The following SLAIN2 variants were observed in gnomAD, a reference collection of about 807,000 sequenced individuals.
SLAIN2 encodes the protein SLAIN family member 2.
In SLAIN2, 31 loss-of-function variants were observed where a neutral mutation model predicts 56.6. The ratio of observed to expected loss-of-function variants is 0.55; its 90% CI spans 0.41 to 0.74. The LOEUF is 0.74. SLAIN2 is among the 30% of genes least tolerant of loss of function. SLAIN2 has a pLI of 0.00. For missense variants in SLAIN2, 777 were observed against 754.2 expected (o/e 1.03, Z -0.35); for synonymous variants, 317 against 284.9 (o/e 1.11, Z -1.13).
intron 1 of SLAIN2, among the ~76,000 whole-genome samples, chr4:48,363,667 G>A: frequency 9.3e-6 from 1 of 107,988 alleles, no homozygotes; most frequent in Non-Finnish European, 2.0e-5. Context: ...CGGGCAGAGG[G>A]GCTCCTCACT....
chr4:48,398,303 G>T (rs1412661156), intron 6 of SLAIN2, among the ~76,000 whole-genome samples: 1 of 152,112 alleles, frequency 6.6e-6, no homozygotes, highest in Non-Finnish European at 1.5e-5. Context: ...ATTTTGAGAA[G>T]TGTCTGTTTA....
At chr4:48,370,038 T>G in intron 2 of SLAIN2, 41 bp downstream of exon 2, 1 of 1,591,204 alleles carries the variant, frequency 6.3e-7, no homozygotes, top group Non-Finnish European at 8.6e-7. Context: ...CTCTTTGCTT[T>G]CTTTAGTCAA....
In SLAIN2 at chr4:48,341,716, G is replaced by A; in HGVS notation, c.-24G>A. On this transcript the variant is annotated 5_prime_UTR_variant, in exon 1 of 8. Transcript: ENST00000264313. ...GCTGCGAGAGCGAGCGGGCGGCGGAGGCGGCGGCGGCGGCGGGGCCGGGAT... is the reference window on the plus strand; with the variant it reads ...GCTGCGAGAGCGAGCGGGCGGCGGAAGCGGCGGCGGCGGCGGGGCCGGGAT... 1 of 1,474,036 alleles carries A rather than the reference G, an allele frequency of 6.8e-7. No homozygotes were observed. Among genetic ancestry groups the A allele is most frequent in the South Asian group, 1.3e-5 (1 of 75,062 alleles). The allele number at this position is 1,474,036 out of a possible 1,614,324, so 91.3% of individuals were successfully genotyped here.
chr4:48,421,927 GTAA>G (rs1285867798), intron 7 of SLAIN2, 81 bp from the exon 8 acceptor site: 65 of 1,127,746 alleles, frequency 5.8e-5, no homozygotes, highest in Non-Finnish European at 8.2e-5. Context: ...CACCTGAAGA[GTAA>G]TTAATATATG....
chr4:48,367,314 G>A (rs1024029980), intron 1 of SLAIN2, among the ~76,000 whole-genome samples: 1 of 152,182 alleles, frequency 6.6e-6, no homozygotes, highest in Non-Finnish European at 1.5e-5. Context: ...TGAAATAAGA[G>A]GATAGAGTGA....
chr4:48,369,803 C>T (rs1345884582), intron 1 of SLAIN2, 46 bp from the exon 2 acceptor site: 1 of 1,579,750 alleles, frequency 6.3e-7, no homozygotes, highest in Admixed American at 1.7e-5. Context: ...TTTATATAAC[C>T]TTGTGCTTAA....
intron 1 of SLAIN2, among the ~76,000 whole-genome samples, chr4:48,342,527 C>T (rs1310586936): frequency 6.6e-6 from 1 of 151,960 alleles, no homozygotes; most frequent in Non-Finnish European, 1.5e-5. Flanking sequence ...GGAGAGGGGT[C>T]TGCTTGATGA....
At chr4:48,398,130 TC>T (rs1358608141) in intron 6 of SLAIN2, among the ~76,000 whole-genome samples, 8 of 152,308 alleles carry the variant, frequency 5.3e-5, no homozygotes, top group African/African-American at 1.9e-4. Flanking sequence ...CCACCAGCAG[TC>T]TAAGTGTTCC....
chr4:48,420,501 A>T (rs1423057964), intron 7 of SLAIN2, 58 bp downstream of exon 7: 2 of 1,571,436 alleles, frequency 1.3e-6, no homozygotes, highest in East Asian at 2.3e-5. Context: ...GATAGACTGG[A>T]ATGAATTAGC....
intron 6 of SLAIN2, among the ~76,000 whole-genome samples, chr4:48,418,393 T>C (rs73246023): frequency 0.23 from 35,122 of 152,034 alleles, 4,888 homozygotes; most frequent in Middle Eastern, 0.34. Context: ...TCAGATGCTT[T>C]TTTTGAGTCC....
chr4:48,367,092 T>C (rs1361337755), intron 1 of SLAIN2, among the ~76,000 whole-genome samples: 2 of 152,214 alleles, frequency 1.3e-5, no homozygotes, highest in Non-Finnish European at 2.9e-5. Context: ...TACTTAGGAT[T>C]TCCTTTTAAA....
chr4:48,394,464 T>C lies in SLAIN2; in HGVS notation c.1360+10680T>C, dbSNP rs888711053. The C allele has an allele frequency of 7.6e-6, 6 of 785,370 alleles. No homozygotes were observed. In the Admixed American group the frequency reaches 1.3e-4, roughly 17 times the overall value. 48.7% of individuals were successfully genotyped at this position (785,370 alleles called of 1,614,324 possible). A position where few individuals can be genotyped will look rare whatever the true frequency, so the allele number is the denominator to read the frequency against. ...TTCTAACATATTTGCACCTTATGGC[T>C]TCTGTTCTTTGATACATTTTTAAGT... On this transcript the variant is annotated intron_variant, in intron 6 of 7. Coordinates refer to ENST00000264313, the MANE Select transcript of SLAIN2 (RefSeq NM_020846.2).
At chr4:48,416,712 C>G (rs1301601612) in intron 6 of SLAIN2, among the ~76,000 whole-genome samples, 2 of 150,620 alleles carry the variant, frequency 1.3e-5, no homozygotes, top group African/African-American at 2.4e-5. Flanking sequence ...CTCAAAGCCG[C>G]TCAACTACAT....
chr4:48,365,444 C>CAA (rs34317951), intron 1 of SLAIN2, among the ~76,000 whole-genome samples: 1,276 of 56,690 alleles, frequency 0.023, 60 homozygotes, highest in African/African-American at 0.066. Flanking sequence ...GACTCCATCT[C>CAA]AAAAAAAAAA....
At chr4:48,374,006 C>T (rs562054759) in intron 2 of SLAIN2, among the ~76,000 whole-genome samples, 4 of 152,092 alleles carry the variant, frequency 2.6e-5, no homozygotes, top group Non-Finnish European at 5.9e-5. Context: ...CCATTGCTCT[C>T]CAGCCTGGGC....
At chr4:48,419,971 T>G (rs994341369) in intron 6 of SLAIN2, among the ~76,000 whole-genome samples, 154 bp from the exon 7 acceptor site, 1 of 152,216 alleles carries the variant, frequency 6.6e-6, no homozygotes, top group Non-Finnish European at 1.5e-5. Flanking sequence ...TTTTTTTCTT[T>G]TAGTAGCCCA....
At chr4:48,362,732 C>CTTTTTTTTTTTTTTTTTTTTTTT (rs397716685) in intron 1 of SLAIN2, among the ~76,000 whole-genome samples, 1 of 116,390 alleles carries the variant, frequency 8.6e-6, no homozygotes, top group Non-Finnish European at 1.7e-5. Flanking sequence ...TTTTAAATTT[C>CTTTTTTTTTTTTTTTTTTTTTTT]TTTTTTTTTT....
At chr4:48,357,581 C>T (rs780644790) in intron 1 of SLAIN2, among the ~76,000 whole-genome samples, 11 of 151,170 alleles carry the variant, frequency 7.3e-5, no homozygotes, top group African/African-American at 2.2e-4. Flanking sequence ...TGGAGTTTTG[C>T]GCTTGTTGCC....
intron 2 of SLAIN2, among the ~76,000 whole-genome samples, chr4:48,377,157 A>G (rs1715839288): frequency 6.6e-6 from 1 of 151,328 alleles, no homozygotes; most frequent in Admixed American, 6.6e-5. Flanking sequence ...TCTGGGCAAC[A>G]TGGTGAGACC....
Sources: allele counts gnomAD v4.1 joint callset (sites outside exome capture counted in the v4.1 genomes callset), GRCh38; gene constraint gnomAD v4.1.1; transcripts MANE v1.5; gene names NCBI Gene and HGNC (gene_info 2026-07-23, HGNC 2026-07-21).